The following CFAP299 variants were observed in gnomAD, a reference collection of about 807,000 sequenced individuals.
The protein encoded by CFAP299 is cilia- and flagella-associated protein 299.
Under a neutral mutation model 27.0 loss-of-function variants are expected in CFAP299, and 21 were observed. That is an observed-to-expected ratio of 0.78 (90% CI 0.55 to 1.12). CFAP299 has a LOEUF of 1.12. Ranked by LOEUF, CFAP299 falls within the 50% of genes most tolerant of loss-of-function variation. CFAP299 has a pLI of 0.00. For missense variants in CFAP299, 310 were observed against 276.6 expected (o/e 1.12, Z -0.86); for synonymous variants, 104 against 98.1 (o/e 1.06, Z -0.36).
intron 4 of CFAP299, among the ~76,000 whole-genome samples, chr4:80,942,372 T>C (rs754521988): frequency 6.6e-6 from 1 of 152,136 alleles, no homozygotes; most frequent in Non-Finnish European, 1.5e-5. Context: ...ATGAATACAA[T>C]GGATATTTTA....
At chr4:80,860,462 C>T (rs1560450263) in intron 3 of CFAP299, among the ~76,000 whole-genome samples, 2 of 152,160 alleles carry the variant, frequency 1.3e-5, no homozygotes, top group East Asian at 3.9e-4. Context: ...GAACTGCGAT[C>T]CTTTGGAGGA....
chr4:80,800,096 TATATA>T (rs1374234170), intron 3 of CFAP299, among the ~76,000 whole-genome samples: 1 of 68,064 alleles, frequency 1.5e-5, no homozygotes, highest in Non-Finnish European at 2.5e-5. Flanking sequence ...ATATATATAA[TATATA>T]ATATATTATA....
intron 2 of CFAP299, among the ~76,000 whole-genome samples, chr4:80,390,958 T>TATACACAC (rs1725438600): frequency 2.7e-5 from 1 of 36,648 alleles, no homozygotes; most frequent in African/African-American, 4.6e-5. Flanking sequence ...CACACATGTA[T>TATACACAC]ATATGTATAT....
At chr4:80,754,044 G>GT (rs1324716009) in intron 3 of CFAP299, among the ~76,000 whole-genome samples, 1 of 151,950 alleles carries the variant, frequency 6.6e-6, no homozygotes, top group African/African-American at 2.4e-5. Flanking sequence ...TTTTTCCTTG[G>GT]TTTTTTGTAT....
the CFAP299 span, among the ~76,000 whole-genome samples, chr4:80,329,208 C>CACACACATATATATATATAT: frequency 1.6e-4 from 22 of 136,042 alleles, no homozygotes; most frequent in African/African-American, 6.3e-4. Context: ...ACACTGTATA[C>CACACACATATATATATATAT]ATATATATAT....
rs192292372 is a variant in CFAP299 at position 80,618,707 on chromosome 4, A to G, written c.333+35524A>G. Among the ~76,000 whole-genome samples, 55 of 152,208 alleles carry G rather than the reference A, an allele frequency of 3.6e-4. 1 individual carries two copies. The East Asian group carries it at 7.1e-3, about 20-fold the overall frequency. Reference sequence around the variant, plus strand: ...AGCCACATGAACTCCAATTATTTCCATGACTTTTATTGCTACTAAACTAAA... The same window carrying G: ...AGCCACATGAACTCCAATTATTTCCGTGACTTTTATTGCTACTAAACTAAA... On this transcript the variant is annotated intron_variant, in intron 3 of 5. Transcript: ENST00000358105.
intron 3 of CFAP299, among the ~76,000 whole-genome samples, chr4:80,752,303 T>A (rs1385896948): frequency 1.3e-5 from 2 of 151,728 alleles, no homozygotes; most frequent in East Asian, 3.9e-4. Context: ...TTTTCATTCC[T>A]CTTCCTGAGT....
intron 3 of CFAP299, among the ~76,000 whole-genome samples, chr4:80,643,063 G>A (rs1311134243): frequency 2.6e-5 from 4 of 152,126 alleles, no homozygotes; most frequent in African/African-American, 9.6e-5. Context: ...TTGGGAGGCC[G>A]AGAAAGGAGG....
At chr4:80,819,088 T>C (rs978196902) in intron 3 of CFAP299, among the ~76,000 whole-genome samples, 1 of 152,058 alleles carries the variant, frequency 6.6e-6, no homozygotes, top group African/African-American at 2.4e-5. Context: ...TCATTGTATA[T>C]TAAATAGATT....
At chr4:80,474,200 A>G (rs1323317186) in intron 2 of CFAP299, among the ~76,000 whole-genome samples, 1 of 152,188 alleles carries the variant, frequency 6.6e-6, no homozygotes, top group Non-Finnish European at 1.5e-5. Flanking sequence ...ATATACTTTT[A>G]ACCTATTTAA....
At chr4:80,919,528 A>G (rs1735935220) in intron 4 of CFAP299, among the ~76,000 whole-genome samples, 1 of 152,168 alleles carries the variant, frequency 6.6e-6, no homozygotes, top group Non-Finnish European at 1.5e-5. Context: ...GGTAAAGTTG[A>G]ATTATCCATT....
chr4:80,565,653 C>T (rs202041328), intron 2 of CFAP299, among the ~76,000 whole-genome samples: 2 of 151,818 alleles, frequency 1.3e-5, no homozygotes, highest in South Asian at 4.2e-4. Flanking sequence ...TGGTATCATA[C>T]CTATTTAAAA....
intron 2 of CFAP299, among the ~76,000 whole-genome samples, chr4:80,369,801 G>A (rs1724041419): frequency 6.6e-6 from 1 of 152,144 alleles, no homozygotes; most frequent in Non-Finnish European, 1.5e-5. Context: ...TAATAGTATT[G>A]CTGCCGAGCT....
chr4:80,958,273 A>T (rs1271978562), intron 5 of CFAP299, among the ~76,000 whole-genome samples: 2 of 152,180 alleles, frequency 1.3e-5, no homozygotes, highest in Non-Finnish European at 2.9e-5. Context: ...AGTCAAGTCG[A>T]ACTTAATTCC....
At chr4:80,899,007 A>G (rs987230168) in intron 4 of CFAP299, among the ~76,000 whole-genome samples, 2 of 152,240 alleles carry the variant, frequency 1.3e-5, no homozygotes, top group Non-Finnish European at 2.9e-5. Flanking sequence ...GATCTCTATC[A>G]TACAGCTAAA....
intron 4 of CFAP299, among the ~76,000 whole-genome samples, chr4:80,875,598 AG>A (rs1733331594): frequency 6.8e-6 from 1 of 147,440 alleles, no homozygotes; most frequent in African/African-American, 2.5e-5. Flanking sequence ...TGGGAGGCGG[AG>A]GTTGCGGTGA....
intron 3 of CFAP299, among the ~76,000 whole-genome samples, chr4:80,644,418 A>G (rs1178216191): frequency 6.6e-6 from 1 of 152,180 alleles, no homozygotes; most frequent in Non-Finnish European, 1.5e-5. Flanking sequence ...AAAAACATCT[A>G]GAGACTCTGA....
intron 4 of CFAP299, among the ~76,000 whole-genome samples, chr4:80,941,869 TC>T (rs1314978917): frequency 6.6e-6 from 1 of 152,048 alleles, no homozygotes; most frequent in Non-Finnish European, 1.5e-5. Flanking sequence ...CAACCAGATC[TC>T]ACAAGAGCTC....
intron 2 of CFAP299, among the ~76,000 whole-genome samples, chr4:80,440,282 C>T (rs1728295284): frequency 6.6e-6 from 1 of 151,914 alleles, no homozygotes; most frequent in Non-Finnish European, 1.5e-5. Context: ...CAGGGCTCGA[C>T]AGACACCTCA....
Sources: allele counts gnomAD v4.1 joint callset (sites outside exome capture counted in the v4.1 genomes callset), GRCh38; gene constraint gnomAD v4.1.1; transcripts MANE v1.5; gene names NCBI Gene and HGNC (gene_info 2026-07-23, HGNC 2026-07-21).